CUL1: variants seen among roughly 807,000 people sequenced by gnomAD.
CUL1 encodes the protein cullin 1, also known as cullin-1.
CUL1 carries 24 observed loss-of-function variants against 118.0 expected under a neutral mutation model. The ratio of observed to expected loss-of-function variants is 0.20; its 90% CI spans 0.15 to 0.29. The LOEUF (loss-of-function observed/expected upper bound fraction) is 0.29. Among genes scored for constraint, CUL1 ranks in the 10% least tolerant of loss-of-function variants. The pLI, the probability that CUL1 is intolerant of heterozygous loss-of-function variation, is 1.00. For missense variants in CUL1, 361 were observed against 933.8 expected (o/e 0.39, Z 7.99); for synonymous variants, 332 against 340.4 (o/e 0.98, Z 0.27).
chr7:148,703,394 A>G (rs144600337), intron 1 of CUL1, among the ~76,000 whole-genome samples: 69 of 152,266 alleles, frequency 4.5e-4, no homozygotes, highest in African/African-American at 1.7e-3. Context: ...ACCATTCAAG[A>G]CTGTTCAAAT....
At chr7:148,795,122 C>T (rs1032648950) in intron 17 of CUL1, among the ~76,000 whole-genome samples, 2 of 151,472 alleles carry the variant, frequency 1.3e-5, no homozygotes, top group Non-Finnish European at 2.9e-5. Flanking sequence ...CGTGAGCCAC[C>T]GTGCCTGGCA....
At chr7:148,782,225 C>G (rs144726442) in intron 9 of CUL1, among the ~76,000 whole-genome samples, 273 of 152,186 alleles carry the variant, frequency 1.8e-3, no homozygotes, top group African/African-American at 6.2e-3. Flanking sequence ...GTGACAAAAC[C>G]ACAATTAGGT....
intron 9 of CUL1, among the ~76,000 whole-genome samples, chr7:148,782,840 C>T (rs1018139242): frequency 1.1e-5 from 1 of 87,582 alleles, no homozygotes; most frequent in Non-Finnish European, 2.4e-5. Flanking sequence ...GAAACATGGG[C>T]GTGCCGCGGC....
chr7:148,733,407 T>G (rs987180964), intron 2 of CUL1, among the ~76,000 whole-genome samples: 1 of 152,212 alleles, frequency 6.6e-6, no homozygotes, highest in Non-Finnish European at 1.5e-5. Context: ...ATCTGTCATG[T>G]TTTTGTAGAG....
chr7:148,789,527 C>T (rs1273869132), intron 14 of CUL1, among the ~76,000 whole-genome samples: 4 of 152,136 alleles, frequency 2.6e-5, no homozygotes, highest in African/African-American at 9.7e-5. Flanking sequence ...AAAATGAAGA[C>T]TCTCACTCTT....
At chr7:148,745,253 TA>T (rs1479933470) in intron 2 of CUL1, among the ~76,000 whole-genome samples, 1 of 152,170 alleles carries the variant, frequency 6.6e-6, no homozygotes, top group African/African-American at 2.4e-5. Context: ...ATTATGAACA[TA>T]TTTTTCTATA....
At chr7:148,734,187 G>A (rs1266560988) in intron 2 of CUL1, among the ~76,000 whole-genome samples, 1 of 152,112 alleles carries the variant, frequency 6.6e-6, no homozygotes, top group Non-Finnish European at 1.5e-5. Flanking sequence ...TCTGTTAAGC[G>A]CTTCCAACTA....
At chr7:148,789,075 T>G (rs1050994352) in intron 14 of CUL1, among the ~76,000 whole-genome samples, 1 of 152,202 alleles carries the variant, frequency 6.6e-6, no homozygotes, top group Non-Finnish European at 1.5e-5. Flanking sequence ...TGCAGGTGAT[T>G]CAGTTCTCCA....
At chr7:148,786,963 G>A (rs2129462879) in intron 12 of CUL1, 26 bp from the exon 13 acceptor site, 4 of 1,600,446 alleles carry the variant, frequency 2.5e-6, no homozygotes, top group Non-Finnish European at 3.4e-6. Context: ...TGCTGGTTAA[G>A]TGTGTTGTCT....
intron 14 of CUL1, 79 bp downstream of exon 14, chr7:148,788,753 T>A: frequency 1.1e-6 from 1 of 941,534 alleles, no homozygotes; most frequent in South Asian, 1.5e-5. Flanking sequence ...AAATATTAGG[T>A]GAAGATGGGA....
intron 4 of CUL1, among the ~76,000 whole-genome samples, chr7:148,758,232 A>G (rs1440210306): frequency 6.6e-6 from 1 of 152,186 alleles, no homozygotes; most frequent in African/African-American, 2.4e-5. Context: ...ATAGGCTGTC[A>G]GATCCACACA....
Position 148,779,746 on chromosome 7 carries a change from T to C in CUL1, c.1084-4037T>C, listed in dbSNP as rs923034573. Among the ~76,000 whole-genome samples the C allele has an allele frequency of 2.6e-5, 4 of 152,174 alleles. No homozygotes were observed. In the South Asian group the frequency reaches 6.2e-4, roughly 24 times the overall value. On this transcript the variant is annotated intron_variant, in intron 9 of 21. Transcript: ENST00000325222. The stretch of plus-strand genomic sequence containing the variant: ...TTGTTACAAGTTGTGATGATTAATA[T>C]TGAGTGTCAACTTGATTGGATTGAA...
rs1176100705 is a variant in CUL1 at position 148,766,573 on chromosome 7, C to G, written c.802C>G (p.Leu268Val). ...TAATTTTCTCCAGGCAGAGGCTCGT[C>G]TGCTTGAGGAACAACGAAGAGTTCA... ...TEYMKKAEARLLEEQRRVQVY... is the reference protein window; with the variant it reads ...TEYMKKAEARVLEEQRRVQVY... The change falls in exon 8 of 22, where the codon CTG becomes GTG. Residue 268 changes from leucine to valine, a missense_variant. Leu to Val is a conservative substitution (Grantham distance 32). Around this residue, in one of 7 missense-constraint regions of CUL1, gnomAD observed 169 missense variants for 429.7 expected, o/e 0.39. Transcript: ENST00000325222. 2 of 1,603,266 alleles carry G rather than the reference C, an allele frequency of 1.2e-6. No individual in the cohort carries two copies. The highest frequency in any genetic ancestry group is 1.7e-5 in the Admixed American group (1 of 57,728).
intron 2 of CUL1, among the ~76,000 whole-genome samples, chr7:148,752,723 G>A (rs937255674): frequency 7.2e-5 from 11 of 152,016 alleles, no homozygotes; most frequent in Non-Finnish European, 1.2e-4. Context: ...ATCTCAGCTC[G>A]CTGCAAGCTC....
chr7:148,708,854 G>A (rs2129458967), intron 1 of CUL1, among the ~76,000 whole-genome samples: 1 of 152,334 alleles, frequency 6.6e-6, no homozygotes, highest in African/African-American at 2.4e-5. Flanking sequence ...ATTTGCGGAA[G>A]TTGTGTTAAC....
chr7:148,753,413 GT>G (rs1247657854), intron 2 of CUL1, among the ~76,000 whole-genome samples: 1 of 152,196 alleles, frequency 6.6e-6, no homozygotes, highest in Non-Finnish European at 1.5e-5. Context: ...CTGTGCTGTG[GT>G]TTATACATCT....
intron 9 of CUL1, among the ~76,000 whole-genome samples, chr7:148,782,426 G>A (rs952149563): frequency 1.3e-5 from 2 of 152,178 alleles, no homozygotes; most frequent in African/African-American, 4.8e-5. Context: ...CACGCTCTGT[G>A]TGTTTTAACA....
At chr7:148,747,403 GA>G (rs1563157604) in intron 2 of CUL1, among the ~76,000 whole-genome samples, 1 of 152,172 alleles carries the variant, frequency 6.6e-6, no homozygotes, top group Non-Finnish European at 1.5e-5. Flanking sequence ...GAAGAGAGCT[GA>G]AAATGAAGGT....
At chr7:148,731,153 C>T (rs1045825854) in intron 2 of CUL1, among the ~76,000 whole-genome samples, 5 of 152,198 alleles carry the variant, frequency 3.3e-5, no homozygotes, top group African/African-American at 1.2e-4. Context: ...AGATGCGGCT[C>T]CCACTATTCG....
Sources: allele counts gnomAD v4.1 joint callset (sites outside exome capture counted in the v4.1 genomes callset), GRCh38; gene constraint gnomAD v4.1.1; regional missense constraint gnomAD v4.1.1; transcripts MANE v1.5; gene names NCBI Gene and HGNC (gene_info 2026-07-23, HGNC 2026-07-21).